The following RGS22 variants were observed in gnomAD, a reference collection of about 807,000 sequenced individuals.
RGS22 encodes the protein regulator of G-protein signaling 22.
RGS22 carries 148 observed loss-of-function variants against 172.9 expected under a neutral mutation model. The observed-to-expected ratio is 0.86, with a 90% confidence interval of 0.75 to 0.98. The LOEUF (loss-of-function observed/expected upper bound fraction) is 0.98, where lower values mean the gene tolerates loss of function less well. Among genes scored for constraint, RGS22 ranks in the 50% least tolerant of loss-of-function variants. The pLI is 0.00. For missense variants in RGS22, 1,347 were observed against 1,440.8 expected (o/e 0.93, Z 1.05); for synonymous variants, 458 against 480.2 (o/e 0.95, Z 0.60).
intron 23 of RGS22, among the ~76,000 whole-genome samples, chr8:99,976,028 A>C (rs935975413): frequency 3.3e-5 from 5 of 152,036 alleles, no homozygotes; most frequent in Non-Finnish European, 7.4e-5. Context: ...TGTCTCTACT[A>C]AAAATACAAA....
At chr8:100,090,506 T>C (rs193043957) in intron 3 of RGS22, among the ~76,000 whole-genome samples, 120 of 152,276 alleles carry the variant, frequency 7.9e-4, no homozygotes, top group Middle Eastern at 3.4e-3. Context: ...ATTCAATCTG[T>C]AGGTTATTAA....
At chr8:99,961,612 AT>A (rs1483896120) in intron 27 of RGS22, among the ~76,000 whole-genome samples, 2 of 152,144 alleles carry the variant, frequency 1.3e-5, no homozygotes, top group African/African-American at 4.8e-5. Context: ...TCCTTTATAA[AT>A]TACCCAATCT....
chr8:99,969,449 T>G (rs1811095753), intron 23 of RGS22, among the ~76,000 whole-genome samples: 1 of 152,160 alleles, frequency 6.6e-6, no homozygotes, highest in African/African-American at 2.4e-5. Flanking sequence ...ACTGGCAAAT[T>G]GGATAAAGAG....
intron 14 of RGS22, among the ~76,000 whole-genome samples, chr8:100,030,928 G>A (rs993707): frequency 0.02 from 3,054 of 152,070 alleles, 91 homozygotes; most frequent in East Asian, 0.11. Context: ...GGTAAAAGCC[G>A]AAATTAACAA....
chr8:100,051,611 GTTTATACATA>G (rs1563669861), intron 10 of RGS22, among the ~76,000 whole-genome samples: 9 of 14,890 alleles, frequency 6.0e-4, no homozygotes, highest in African/African-American at 1.7e-3. Flanking sequence ...ATTTATATAT[GTTTATACATA>G]TATAAATATA....
chr8:100,000,915 T>C (rs1814970403), intron 18 of RGS22, among the ~76,000 whole-genome samples: 5 of 152,080 alleles, frequency 3.3e-5, no homozygotes. Flanking sequence ...AAATTTGGTA[T>C]GCCTTACTTG....
chr8:100,039,580 T>C (rs1216812283), intron 13 of RGS22, among the ~76,000 whole-genome samples: 1 of 152,074 alleles, frequency 6.6e-6, no homozygotes, highest in African/African-American at 2.4e-5. Context: ...TTCACCATGT[T>C]GGCCGGGCTG....
chr8:100,079,710 GA>G (rs1811607273), intron 4 of RGS22, among the ~76,000 whole-genome samples: 1 of 152,072 alleles, frequency 6.6e-6, no homozygotes, highest in African/African-American at 2.4e-5. Flanking sequence ...TCCAGAAGCT[GA>G]AAATGAAATT....
intron 7 of RGS22, among the ~76,000 whole-genome samples, chr8:100,064,579 G>A (rs1169379464): frequency 6.6e-6 from 1 of 152,162 alleles, no homozygotes; most frequent in African/African-American, 2.4e-5. Flanking sequence ...GGATTTGGAG[G>A]AAAAGAATGG....
At position 100,051,677 on chromosome 8, in the gene RGS22, T is replaced by A. The variant is rs541836249; in HGVS notation, c.1689+1125A>T. Among the ~76,000 whole-genome samples, 53 of 16,062 alleles carry A rather than the reference T, an allele frequency of 3.3e-3. 10 individuals carry two copies. Among genetic ancestry groups the A allele is most frequent in the African/African-American group, 7.5e-3 (22 of 2,952 alleles). The allele number at this position is 16,062 out of a possible 152,430, so 10.5% of individuals were successfully genotyped here. ...TATATAAATATATATTTATATATGT[T>A]TATACATATATATATTTATATATAC... is the stretch of plus-strand genomic sequence containing the variant. On this transcript the variant is annotated intron_variant, in intron 10 of 27. Transcript: ENST00000360863.
At chr8:100,021,541 G>A (rs1227935314) in intron 14 of RGS22, among the ~76,000 whole-genome samples, 1 of 152,102 alleles carries the variant, frequency 6.6e-6, no homozygotes, top group Non-Finnish European at 1.5e-5. Context: ...AAATAGAAAT[G>A]GTACTAATGG....
chr8:99,992,873 A>C (rs898663305), intron 20 of RGS22, among the ~76,000 whole-genome samples: 1 of 152,144 alleles, frequency 6.6e-6, no homozygotes, highest in African/African-American at 2.4e-5. Flanking sequence ...GAAGTAAAGC[A>C]CTCCTCAGCA....
At chr8:100,050,538 C>T (rs1438837693) in intron 10 of RGS22, among the ~76,000 whole-genome samples, 1 of 152,096 alleles carries the variant, frequency 6.6e-6, no homozygotes, top group Non-Finnish European at 1.5e-5. Context: ...AATAAGACAT[C>T]CTGAATATAA....
At chr8:100,076,515 G>A (rs982651038) in intron 4 of RGS22, among the ~76,000 whole-genome samples, 2 of 152,044 alleles carry the variant, frequency 1.3e-5, no homozygotes, top group Non-Finnish European at 2.9e-5. Flanking sequence ...TTTTGTATAA[G>A]TTTTTATAAA....
intron 11 of RGS22, among the ~76,000 whole-genome samples, chr8:100,045,412 A>G (rs1442623410): frequency 6.6e-6 from 1 of 152,220 alleles, no homozygotes; most frequent in Non-Finnish European, 1.5e-5. Flanking sequence ...TGCCTCCTCC[A>G]GTCCTGCTTT....
intron 11 of RGS22, among the ~76,000 whole-genome samples, chr8:100,043,385 C>T (rs1820351916): frequency 6.6e-6 from 1 of 152,154 alleles, no homozygotes; most frequent in Admixed American, 6.5e-5. Context: ...TCTCCATTTC[C>T]TCTGGATTCT....
chr8:100,062,678 T>C lies in RGS22; in HGVS notation c.1427A>G (p.Lys476Arg), dbSNP rs764788673. 1 of 1,598,858 alleles carries C rather than the reference T, an allele frequency of 6.3e-7. No individual in the cohort carries two copies. The highest frequency in any genetic ancestry group is 8.5e-7 in the Non-Finnish European group (1 of 1,173,578). The change falls in exon 9 of 28, where the codon AAA (lysine) becomes AGA (arginine). Residue 476 changes from lysine to arginine, a missense_variant. Transcript: ENST00000360863. ...DYYLSAEILS[K>R]FKLLDGSQWN... is the part of the protein sequence containing the mutation. ...CTGTGATCCATCTAACAGTTTAAAT[T>C]TTGATAAGATTTCTGCAGAAAGGTA...
intron 14 of RGS22, among the ~76,000 whole-genome samples, chr8:100,035,518 TA>T (rs1819348945): frequency 6.6e-6 from 1 of 152,184 alleles, no homozygotes; most frequent in Non-Finnish European, 1.5e-5. Flanking sequence ...GGTGGGAGTA[TA>T]AATTAGTTCA....
chr8:100,032,025 C>G (rs1818872109), intron 14 of RGS22, among the ~76,000 whole-genome samples: 1 of 152,132 alleles, frequency 6.6e-6, no homozygotes, highest in Admixed American at 6.6e-5. Context: ...AAGCACTAAA[C>G]ATGGAAAGGA....
Sources: allele counts gnomAD v4.1 joint callset (sites outside exome capture counted in the v4.1 genomes callset), GRCh38; gene constraint gnomAD v4.1.1; transcripts MANE v1.5; gene names NCBI Gene and HGNC (gene_info 2026-07-23, HGNC 2026-07-21).